Variants in LAMB1 observed in about 807,000 individuals in gnomAD.
LAMB1 encodes laminin subunit beta-1.
Under a neutral mutation model 222.3 loss-of-function variants are expected in LAMB1, and 121 were observed. The ratio of observed to expected loss-of-function variants is 0.54; its 90% confidence interval spans 0.47 to 0.63. The LOEUF is 0.63. Among genes scored for constraint, LAMB1 ranks in the 30% least tolerant of loss-of-function variants. The pLI is 0.00. For missense variants in LAMB1, 2,172 were observed against 2,240.8 expected (o/e 0.97, Z 0.62); for synonymous variants, 794 against 807.2 (o/e 0.98, Z 0.28).
Position 107,953,633 on chromosome 7 carries a change from C to T in LAMB1, c.2976G>A (p.Lys992=). 1 of 1,614,194 alleles carries T rather than the reference C, an allele frequency of 6.2e-7. No individual in the cohort carries two copies. Among genetic ancestry groups the T allele is most frequent in the Non-Finnish European group, 8.5e-7 (1 of 1,180,028 alleles). ...IDTTDPEACD[K]ETGRCLKCLY... is the part of the protein sequence containing the mutation. ...GGCACTTGAGACACCTCCCAGTCTC[C>T]TTGTCACAGGCTTCTGGGTCTGTCG... Residue 992 remains lysine, a synonymous_variant, in exon 22 of 34, where the codon AAG becomes AAA. Transcript: ENST00000222399.
chr7:107,925,558 C>T (rs561173840), intron 32 of LAMB1, among the ~76,000 whole-genome samples: 3 of 152,162 alleles, frequency 2.0e-5, no homozygotes, highest in African/African-American at 7.2e-5. Context: ...TTAAGCCCCA[C>T]CCCGGCGCCA....
chr7:108,001,839 C>A (rs751513494), intron 2 of LAMB1, 106 bp from the exon 3 acceptor site: 8 of 1,531,236 alleles, frequency 5.2e-6, no homozygotes, highest in Admixed American at 4.0e-5. Context: ...AGAGGACAGT[C>A]CATTCGGAAG....
intron 12 of LAMB1, among the ~76,000 whole-genome samples, chr7:107,974,349 C>CTG (rs952549250): frequency 3.5e-4 from 52 of 148,454 alleles, no homozygotes; most frequent in African/African-American, 1.2e-3. Flanking sequence ...TATTCATATC[C>CTG]TGTGTGTGTT....
intron 19 of LAMB1, 94 bp from the exon 20 acceptor site, chr7:107,959,574 T>C: frequency 1.9e-6 from 3 of 1,609,224 alleles, no homozygotes; most frequent in Non-Finnish European, 2.5e-6. Flanking sequence ...TTCAGAATGC[T>C]CATGGGTTGG....
intron 7 of LAMB1, among the ~76,000 whole-genome samples, chr7:107,983,862 T>C (rs2034021121): frequency 6.6e-6 from 1 of 152,018 alleles, no homozygotes; most frequent in African/African-American, 2.4e-5. Flanking sequence ...AAGATTAAAA[T>C]GTAATTGTGT....
At chr7:107,945,904 A>G (rs1455637733) in intron 24 of LAMB1, among the ~76,000 whole-genome samples, 1 of 152,178 alleles carries the variant, frequency 6.6e-6, no homozygotes, top group Non-Finnish European at 1.5e-5. Context: ...TGACAACTGA[A>G]AAGTTTGTGC....
chr7:107,936,609 G>T (rs1241230756), intron 26 of LAMB1, among the ~76,000 whole-genome samples: 1 of 152,136 alleles, frequency 6.6e-6, no homozygotes, highest in African/African-American at 2.4e-5. Flanking sequence ...AAACAGTATG[G>T]ATAGTTGGAC....
chr7:107,984,949 T>C (rs986413626), intron 7 of LAMB1, among the ~76,000 whole-genome samples: 3 of 152,222 alleles, frequency 2.0e-5, no homozygotes, highest in Non-Finnish European at 2.9e-5. Context: ...ATTATGGCAA[T>C]TGAGCTACAC....
chr7:107,961,284 G>C lies in LAMB1; in HGVS notation c.2031C>G (p.Asn677Lys). 6.2e-7 allele frequency: 1 copy of C among 1,614,034 alleles called. No homozygotes were observed. The highest frequency in any genetic ancestry group is 8.5e-7 in the Non-Finnish European group (1 of 1,179,990). Residue 677 changes from asparagine to lysine, a missense_variant, in exon 17 of 34, where the codon AAC becomes AAG. Physicochemically the swap from Asn to Lys is moderately conservative, Grantham distance 94. Coordinates refer to ENST00000222399, the MANE Select transcript of LAMB1 (RefSeq NM_002291.3). ...PRPVCFEKGTNYTVRLELPQY... is the reference protein window; with the variant it reads ...PRPVCFEKGTKYTVRLELPQY... ...GAGGCAGCTCCAACCTCACCGTGTA[G>C]TTTGTTCCCTTCTCAAAGCACACCG...
intron 5 of LAMB1, among the ~76,000 whole-genome samples, 178 bp downstream of exon 5, chr7:107,994,709 G>A (rs1477656564): frequency 3.3e-5 from 5 of 152,184 alleles, no homozygotes; most frequent in Non-Finnish European, 7.3e-5. Context: ...TGAAGATAGA[G>A]TATTTGTTAA....
chr7:108,001,737 C>T lies in LAMB1; in HGVS notation c.38-4G>A, dbSNP rs746805514. The T allele has an allele frequency of 1.9e-6, 3 of 1,611,248 alleles. No homozygotes were observed. ...CGCACTCGGGCTCTGCACAGGGCTG[C>T]GGGAAGGACAGGCAACAGAGTTGGG... On this transcript the variant is annotated splice_polypyrimidine_tract_variant and splice_region_variant and intron_variant, in intron 2 of 33. Coordinates refer to ENST00000222399, the MANE Select transcript of LAMB1 (RefSeq NM_002291.3).
chr7:107,984,182 G>A (rs994837100), intron 7 of LAMB1, among the ~76,000 whole-genome samples: 3 of 152,152 alleles, frequency 2.0e-5, no homozygotes, highest in Admixed American at 6.5e-5. Flanking sequence ...GTCTCCTGCA[G>A]TATAGCCACG....
At chr7:107,978,016 G>A (rs373293583) in intron 9 of LAMB1, 31 bp downstream of exon 9, 8 of 1,613,424 alleles carry the variant, frequency 5.0e-6, no homozygotes, top group Non-Finnish European at 6.8e-6. Context: ...AGCCTGAATG[G>A]ATTTAAAATG....
rs374438596 is a variant in LAMB1 at position 107,937,281 on chromosome 7, T to C, written c.3762-4A>G. 7.4e-6 allele frequency: 12 copies of C among 1,610,860 alleles called. No homozygotes were observed. Among genetic ancestry groups the C allele is most frequent in the Middle Eastern group, 1.7e-4 (1 of 6,058 alleles). ...TGTAACATCTTTAATCAGTTTCCTG[T>C]AAAGAGAAAGTTAAGCTTACTTACA... On this transcript the variant is annotated splice_region_variant and splice_polypyrimidine_tract_variant and intron_variant, in intron 25 of 33. Transcript: ENST00000222399.
intron 2 of LAMB1, chr7:108,002,310 C>T: frequency 7.6e-7 from 1 of 1,317,992 alleles, no homozygotes. Flanking sequence ...CTAGGGGAGC[C>T]CATGGACAGT....
Position 108,001,629 on chromosome 7 carries a change from G to C in LAMB1, c.142C>G (p.Gln48Glu), listed in dbSNP as rs2034385899. ...CACGTCGAGGTCACCGAAAGCTTCT[G>C]TGCTCGGCCGATGAGAAGGTCGCCC... ...ATGDLLIGRA[Q>E]KLSVTSTCGL... Residue 48 changes from glutamine (Q) to glutamate (E), a missense_variant, in exon 3 of 34, where the codon CAG (glutamine) becomes GAG (glutamate). Gln to Glu is a conservative substitution (Grantham distance 29). Coordinates refer to ENST00000222399, the MANE Select transcript of LAMB1 (RefSeq NM_002291.3). The C allele has an allele frequency of 6.2e-7, 1 of 1,613,262 alleles. No individual in the cohort carries two copies. The highest frequency in any genetic ancestry group is 2.2e-5 in the East Asian group (1 of 44,860).
At chr7:107,974,920 A>G in intron 12 of LAMB1, 66 bp downstream of exon 12, 1 of 911,504 alleles carries the variant, frequency 1.1e-6, no homozygotes, top group Non-Finnish European at 1.8e-6. Flanking sequence ...AATGGCGAAA[A>G]GGCTTCTCTA....
chr7:107,982,551 T>C (rs990712557), intron 7 of LAMB1, among the ~76,000 whole-genome samples: 16 of 152,168 alleles, frequency 1.1e-4, no homozygotes, highest in African/African-American at 3.9e-4. Context: ...ACGCCAACAT[T>C]TTCTCCTGCA....
chr7:107,937,364 A>G (rs1235261754), intron 25 of LAMB1, 87 bp from the exon 26 acceptor site: 18 of 1,011,338 alleles, frequency 1.8e-5, no homozygotes, highest in East Asian at 7.2e-5. Flanking sequence ...TACTGTATCC[A>G]TTACTAATTT....
Sources: gnomAD v4.1 joint callset for allele counts (sites outside exome capture counted in the v4.1 genomes callset) on GRCh38, gnomAD v4.1.1 for gene constraint, MANE v1.5 for transcripts, NCBI Gene and HGNC (gene_info 2026-07-23, HGNC 2026-07-21) for gene names.